The following ZSCAN25 variants were observed in gnomAD, a reference collection of about 807,000 sequenced individuals.
ZSCAN25 encodes the protein zinc finger and SCAN domain-containing protein 25.
ZSCAN25 carries 27 observed loss-of-function variants against 38.7 expected under a neutral mutation model. The ratio of observed to expected loss-of-function variants is 0.70; its 90% CI spans 0.51 to 0.96. ZSCAN25 has a LOEUF of 0.96. ZSCAN25 is among the 40% of genes least tolerant of loss of function. The pLI is 0.00. For synonymous variants in ZSCAN25, 273 were observed against 277.7 expected (o/e 0.98, Z 0.17); for missense variants, 637 against 705.9 (o/e 0.90, Z 1.11).
the ZSCAN25 span, chr7:99,722,189 G>T: frequency 7.2e-7 from 1 of 1,397,686 alleles, no homozygotes; most frequent in Non-Finnish European, 1.0e-6. Flanking sequence ...AGTTAGGCTG[G>T]CAAGAGCTTC....
the ZSCAN25 span, among the ~76,000 whole-genome samples, chr7:99,725,105 A>T: frequency 6.6e-6 from 1 of 152,286 alleles, no homozygotes; most frequent in Non-Finnish European, 1.5e-5. Context: ...CAAGGGGTTC[A>T]AAAAAGCAGC....
chr7:99,645,571 G>A, the ZSCAN25 span, among the ~76,000 whole-genome samples: 4 of 151,970 alleles, frequency 2.6e-5, no homozygotes, highest in African/African-American at 9.7e-5. Flanking sequence ...CACTCCCACC[G>A]ACAGTGTATA....
intron 7 of ZSCAN25, among the ~76,000 whole-genome samples, chr7:99,626,336 T>C (rs1003009): frequency 0.28 from 42,042 of 152,048 alleles, 11,377 homozygotes; most frequent in African/African-American, 0.7. Context: ...GTGAGGACTC[T>C]GGGTCCTTGT....
Position 99,630,654 on chromosome 7 carries a change from C to A in ZSCAN25, c.*634C>A. On this transcript the variant is annotated 3_prime_UTR_variant, in exon 8 of 8. Coordinates refer to ENST00000394152, the MANE Select transcript of ZSCAN25 (RefSeq NM_145115.3). ...CTGCCCCGTGCTGGATCTTCCCTCC[C>A]CAGCTGGGATCTGCTCCCAGGCAAC... 2 of 985,674 alleles carry A rather than the reference C, an allele frequency of 2.0e-6. No homozygotes were observed. Among genetic ancestry groups the A allele is most frequent in the Non-Finnish European group, 2.4e-6 (2 of 830,118 alleles). The allele number at this position is 985,674 out of a possible 1,614,324, so 61.1% of individuals were successfully genotyped here.
the ZSCAN25 span, chr7:99,708,976 G>T: frequency 6.3e-7 from 1 of 1,580,814 alleles, no homozygotes; most frequent in Non-Finnish European, 8.7e-7. Context: ...CTGTAGAGAG[G>T]CAGAATATGC....
At chr7:99,682,578 T>C in the ZSCAN25 span, among the ~76,000 whole-genome samples, 1 of 152,204 alleles carries the variant, frequency 6.6e-6, no homozygotes, top group Admixed American at 6.5e-5. Context: ...AGTTTTGTTC[T>C]TTTTGCTGAA....
At chr7:99,641,948 ATGT>A in the ZSCAN25 span, among the ~76,000 whole-genome samples, 16 of 152,192 alleles carry the variant, frequency 1.1e-4, no homozygotes, top group African/African-American at 3.9e-4. Flanking sequence ...ATGATTTTAC[ATGT>A]TGTTTGGAAC....
the ZSCAN25 span, among the ~76,000 whole-genome samples, chr7:99,693,576 C>A: frequency 5.3e-5 from 8 of 152,246 alleles, no homozygotes; most frequent in Non-Finnish European, 7.3e-5. Context: ...TGCTTCCAGG[C>A]CTCTTTGTTT....
At chr7:99,681,586 C>T in the ZSCAN25 span, among the ~76,000 whole-genome samples, 1 of 152,316 alleles carries the variant, frequency 6.6e-6, no homozygotes, top group East Asian at 1.9e-4. Context: ...TATCATATGC[C>T]TATGTGGCAT....
chr7:99,628,837 A>G (rs1333251709), intron 7 of ZSCAN25, among the ~76,000 whole-genome samples: 1 of 152,218 alleles, frequency 6.6e-6, no homozygotes, highest in Admixed American at 6.5e-5. Context: ...TCACATGTAA[A>G]TAGGTACAGA....
chr7:99,669,668 A>G, the ZSCAN25 span, among the ~76,000 whole-genome samples: 1 of 152,232 alleles, frequency 6.6e-6, no homozygotes, highest in Non-Finnish European at 1.5e-5. Context: ...GACACTACAG[A>G]TACGGCACAA....
chr7:99,621,627 C>A, intron 5 of ZSCAN25, 53 bp downstream of exon 5: 2 of 1,265,292 alleles, frequency 1.6e-6, no homozygotes, highest in Non-Finnish European at 2.0e-6. Flanking sequence ...CAGTGCTGTG[C>A]AGCCAACTCT....
intron 7 of ZSCAN25, among the ~76,000 whole-genome samples, chr7:99,628,282 G>T (rs983120731): frequency 6.6e-6 from 1 of 151,960 alleles, no homozygotes; most frequent in African/African-American, 2.4e-5. Context: ...ATACTGTCAG[G>T]TTTTTTTTGT....
At chr7:99,658,624 G>T in the ZSCAN25 span, among the ~76,000 whole-genome samples, 7 of 152,248 alleles carry the variant, frequency 4.6e-5, no homozygotes, top group Middle Eastern at 3.4e-3. Flanking sequence ...TTTGAATGTT[G>T]GCCTGCCTTG....
At chr7:99,651,403 C>G in the ZSCAN25 span, among the ~76,000 whole-genome samples, 3 of 152,112 alleles carry the variant, frequency 2.0e-5, no homozygotes, top group Non-Finnish European at 4.4e-5. Flanking sequence ...TTTTTGGTGA[C>G]TGAGTGATTC....
At chr7:99,727,178 G>T in the ZSCAN25 span, among the ~76,000 whole-genome samples, 1 of 152,134 alleles carries the variant, frequency 6.6e-6, no homozygotes, top group African/African-American at 2.4e-5. Flanking sequence ...CAGCCAAAGT[G>T]CAGGGCTGTG....
chr7:99,647,721 C>A, the ZSCAN25 span: 1 of 985,378 alleles, frequency 1.0e-6, no homozygotes, highest in Non-Finnish European at 1.2e-6. Context: ...TGTTAATAAT[C>A]AAATTGGAAT....
chr7:99,715,691 T>G, the ZSCAN25 span: 2 of 1,610,538 alleles, frequency 1.2e-6, no homozygotes, highest in Non-Finnish European at 8.5e-7. Context: ...TACATGGTGA[T>G]TTACATCTCA....
In ZSCAN25 at chr7:99,621,357, T is replaced by G; in HGVS notation, c.388-16T>G. ...GCCCAGGCCTCATTCTAATCGGTGT[T>G]GGGAACTGTTCTTAGGTTCCATGCC... On this transcript the variant is annotated splice_polypyrimidine_tract_variant and intron_variant, in intron 4 of 7. Coordinates refer to ENST00000394152, the MANE Select transcript of ZSCAN25 (RefSeq NM_145115.3). 7.3e-7 allele frequency: 1 copy of G among 1,361,478 alleles called. No individual in the cohort carries two copies. Among genetic ancestry groups the G allele is most frequent in the East Asian group, 2.7e-5 (1 of 36,830 alleles). 84.3% of individuals were successfully genotyped at this position (1,361,478 alleles called of 1,614,324 possible).
Sources: allele counts gnomAD v4.1 joint callset (sites outside exome capture counted in the v4.1 genomes callset), GRCh38; gene constraint gnomAD v4.1.1; transcripts MANE v1.5; gene names NCBI Gene and HGNC (gene_info 2026-07-23, HGNC 2026-07-21).